The following NREP variants were observed in gnomAD, a reference collection of about 807,000 sequenced individuals.
NREP encodes neuronal regeneration-related protein.
A neutral mutation model predicts 8.6 loss-of-function variants in NREP; 5 were observed. The ratio of observed to expected loss-of-function variants is 0.58; its 90% confidence interval spans 0.30 to 1.22. The LOEUF (loss-of-function observed/expected upper bound fraction) is 1.22. Ranked by LOEUF, NREP falls within the 50% of genes most tolerant of loss-of-function variation. The pLI is 0.07. For missense variants in NREP, 86 were observed against 82.5 expected, an observed-to-expected ratio of 1.04 and a Z score of -0.17; for synonymous variants, 27 against 28.0, an observed-to-expected ratio of 0.96 and a Z score of 0.11.
At position 111,829,015 on chromosome 5, in the gene NREP, G is replaced by C. The variant is rs1752697367; in HGVS notation, c.136-93508C>G. ...GGGGGAGACAGCTGAGCTGAAGCTAGTTGTTTTCCAAGCAGAGAAAGACAA... is the reference window on the plus strand; with the variant it reads ...GGGGGAGACAGCTGAGCTGAAGCTACTTGTTTTCCAAGCAGAGAAAGACAA... On this transcript the variant is annotated intron_variant, in intron 2 of 3. Transcript: ENST00000395634. Among the ~76,000 whole-genome samples, 3 of 152,104 alleles carry C rather than the reference G, an allele frequency of 2.0e-5. 1 individual carries two copies. The South Asian group carries it at 6.2e-4, about 32-fold the overall frequency.
intron 2 of NREP, among the ~76,000 whole-genome samples, chr5:111,880,069 T>C (rs150347809): frequency 9.6e-4 from 146 of 152,230 alleles, no homozygotes; most frequent in African/African-American, 3.4e-3. Context: ...TCTGAGCAAA[T>C]TGGATCCAAA....
At chr5:111,946,354 C>T (rs1472979140) in intron 2 of NREP, among the ~76,000 whole-genome samples, 1 of 151,976 alleles carries the variant, frequency 6.6e-6, no homozygotes, top group Non-Finnish European at 1.5e-5. Context: ...AGTGTGGGCC[C>T]TACACTGAAG....
chr5:111,836,029 A>G (rs1752885748), intron 2 of NREP, among the ~76,000 whole-genome samples: 1 of 152,156 alleles, frequency 6.6e-6, no homozygotes. Flanking sequence ...GGTTCCTGCA[A>G]TCTGTGTGGT....
intron 2 of NREP, among the ~76,000 whole-genome samples, chr5:111,806,753 C>A (rs149554196): frequency 2.0e-5 from 3 of 152,018 alleles, no homozygotes; most frequent in Non-Finnish European, 4.4e-5. Context: ...TTCTCTGTTA[C>A]GATTTTGAAT....
chr5:111,738,123 A>C (rs994489703), intron 2 of NREP, among the ~76,000 whole-genome samples: 2 of 152,272 alleles, frequency 1.3e-5, no homozygotes, highest in African/African-American at 4.8e-5. Context: ...TAAACTTTTC[A>C]TTTTTTTAAG....
chr5:111,838,832 A>G (rs371312616), intron 2 of NREP, among the ~76,000 whole-genome samples: 9 of 152,206 alleles, frequency 5.9e-5, no homozygotes, highest in African/African-American at 1.9e-4. Context: ...AAACACATAT[A>G]TAGAAATAGA....
intron 2 of NREP, among the ~76,000 whole-genome samples, chr5:111,838,920 A>G (rs1410634520): frequency 6.6e-6 from 1 of 152,108 alleles, no homozygotes; most frequent in African/African-American, 2.4e-5. Context: ...TTGAACATGG[A>G]TTTAATTAGA....
chr5:111,886,454 C>T (rs1347685898), intron 2 of NREP, among the ~76,000 whole-genome samples: 2 of 152,096 alleles, frequency 1.3e-5, no homozygotes, highest in African/African-American at 4.8e-5. Context: ...CTATTTGACC[C>T]AGCCATCCCA....
At chr5:111,800,423 G>C (rs1172137660) in intron 2 of NREP, among the ~76,000 whole-genome samples, 3 of 152,234 alleles carry the variant, frequency 2.0e-5, no homozygotes, top group Non-Finnish European at 4.4e-5. Flanking sequence ...TTGCACAGAA[G>C]GGTCCTGTGC....
intron 2 of NREP, among the ~76,000 whole-genome samples, chr5:111,886,853 AG>A (rs1470752464): frequency 1.3e-5 from 2 of 152,090 alleles, no homozygotes; most frequent in Non-Finnish European, 2.9e-5. Context: ...GGATAGCATT[AG>A]GAGATAGACC....
intron 2 of NREP, among the ~76,000 whole-genome samples, chr5:111,808,901 T>C (rs947765192): frequency 2.6e-5 from 4 of 152,220 alleles, no homozygotes; most frequent in Admixed American, 6.5e-5. Flanking sequence ...TGGTATGTAG[T>C]ATGTACTTAA....
At chr5:111,807,932 TAACAAC>T (rs34971968) in intron 2 of NREP, among the ~76,000 whole-genome samples, 3 of 151,666 alleles carry the variant, frequency 2.0e-5, no homozygotes, top group South Asian at 2.1e-4. Flanking sequence ...ACAACAACAA[TAACAAC>T]AACAACAACA....
chr5:111,944,227 A>T (rs577515915), intron 2 of NREP, among the ~76,000 whole-genome samples: 21 of 152,198 alleles, frequency 1.4e-4, no homozygotes, highest in Admixed American at 6.5e-4. Flanking sequence ...GTTTATCAGT[A>T]CAATTGTTAG....
At position 111,809,520 on chromosome 5, in the gene NREP, CTCA is replaced by C. The variant is rs1266540668; in HGVS notation, c.136-74016_136-74014del. 2.0e-5 allele frequency among the ~76,000 whole-genome samples: 3 copies of C among 152,178 alleles called. No homozygotes were observed. In the East Asian group the frequency reaches 5.8e-4, roughly 29 times the overall value. ...ATTCCCAGTAGTGAGAGAGTTCTCT[CTCA>C]GGTGAGACTGGATTAGTTCTTGTGA... On this transcript the variant is annotated intron_variant, in intron 2 of 3. Transcript: ENST00000395634.
intron 2 of NREP, chr5:111,912,466 A>C (rs974992734): frequency 1.3e-5 from 2 of 151,956 alleles, no homozygotes; most frequent in Admixed American, 6.6e-5. Context: ...CTTGAGTCAT[A>C]ATCTATTCTA....
At chr5:111,819,225 C>T (rs1752461698) in intron 2 of NREP, among the ~76,000 whole-genome samples, 1 of 152,154 alleles carries the variant, frequency 6.6e-6, no homozygotes, top group African/African-American at 2.4e-5. Context: ...CCTGAATCAT[C>T]CTGAGTCACC....
At chr5:111,874,182 G>A (rs1328066353) in intron 2 of NREP, among the ~76,000 whole-genome samples, 1 of 147,616 alleles carries the variant, frequency 6.8e-6, no homozygotes, top group Non-Finnish European at 1.5e-5. Flanking sequence ...TTTCATATAT[G>A]TTTTAAATAT....
chr5:111,741,237 A>C (rs767342493), intron 2 of NREP, among the ~76,000 whole-genome samples: 15 of 152,174 alleles, frequency 9.9e-5, no homozygotes, highest in Admixed American at 2.6e-4. Flanking sequence ...TTTCTGCAGC[A>C]AAGGGGTATA....
Position 111,915,504 on chromosome 5 carries a change from C to T in NREP, c.135+59770G>A, listed in dbSNP as rs114951823. 7.2e-3 allele frequency among the ~76,000 whole-genome samples: 1,096 copies of T among 152,100 alleles called. 4 individuals are homozygous for T. The highest frequency in any genetic ancestry group is 0.012 in the Non-Finnish European group (835 of 67,968). The stretch of plus-strand genomic sequence containing the variant: ...AACAGCACAGCATACTCTTGGAAAC[C>T]GGAACTCAAAAGCACTTAGGTCCTA... On this transcript the variant is annotated intron_variant, in intron 2 of 3. Transcript: ENST00000395634.
Sources: gnomAD v4.1 joint callset for allele counts (sites outside exome capture counted in the v4.1 genomes callset) on GRCh38, gnomAD v4.1.1 for gene constraint, MANE v1.5 for transcripts, NCBI Gene and HGNC (gene_info 2026-07-23, HGNC 2026-07-21) for gene names.